Variants in LRRC9 observed in about 807,000 individuals in gnomAD.
LRRC9 encodes leucine-rich repeat-containing protein 9.
LRRC9 carries 122 observed loss-of-function variants against 63.2 expected under a neutral mutation model. That is an observed-to-expected ratio of 1.93 (90% CI 1.67 to 2.24). The LOEUF is 2.24. Among genes scored for constraint, LRRC9 ranks in the 30% most tolerant of loss-of-function variants. The pLI is 0.00. For missense variants in LRRC9, 1,071 were observed against 627.7 expected (o/e 1.71, Z -7.55); for synonymous variants, 366 against 213.1 (o/e 1.72, Z -6.25).
intron 29 of LRRC9, among the ~76,000 whole-genome samples, chr14:60,032,778 G>A (rs1892095978): frequency 6.6e-6 from 1 of 152,088 alleles, no homozygotes; most frequent in African/African-American, 2.4e-5. Flanking sequence ...CCGCACAGGA[G>A]GAGAGCTTCT....
rs551986976 is a variant in LRRC9 at position 60,055,740 on chromosome 14, A to T, written c.4132-2138A>T. Among the ~76,000 whole-genome samples, 7 of 149,464 alleles carry T rather than the reference A, an allele frequency of 4.7e-5. No homozygotes were observed. In the East Asian group the frequency reaches 1.4e-3, roughly 30 times the overall value. ...AAACCTTGTCTCTATTTAAAAAAAA[A>T]AAAAAACAAAAAAAACTAGCCAGGC... On this transcript the variant is annotated intron_variant, in intron 30 of 31. Transcript: ENST00000445360.
chr14:59,925,522 T>C (rs983561625), intron 1 of LRRC9, among the ~76,000 whole-genome samples: 5 of 152,156 alleles, frequency 3.3e-5, no homozygotes, highest in African/African-American at 9.7e-5. Flanking sequence ...CCAAATTACC[T>C]CTTAAAGGCC....
rs989155313 is a variant in LRRC9, at chr14:60,050,231, G to A, written c.3991-2834G>A. 2.6e-5 allele frequency among the ~76,000 whole-genome samples: 4 copies of A among 152,090 alleles called. No individual in the cohort carries two copies. The East Asian group carries it at 5.8e-4, about 22-fold the overall frequency. On this transcript the variant is annotated intron_variant, in intron 29 of 31. Transcript: ENST00000445360. ...GGCTGGTCTCAAACTCCTGACCTCC[G>A]GTGATCCACCCTTCTTGGCCTCCCA... is the stretch of plus-strand genomic sequence containing the variant.
At chr14:59,941,178 T>C (rs963675965) in intron 7 of LRRC9, among the ~76,000 whole-genome samples, 4 of 151,922 alleles carry the variant, frequency 2.6e-5, no homozygotes, top group African/African-American at 9.7e-5. Context: ...TATATGAAGA[T>C]ATAGGTACAT....
At chr14:59,993,198 A>G (rs921792738) in intron 17 of LRRC9, among the ~76,000 whole-genome samples, 2 of 152,220 alleles carry the variant, frequency 1.3e-5, no homozygotes, top group Non-Finnish European at 2.9e-5. Flanking sequence ...AGAATTTCAT[A>G]TCCAGCCAAA....
intron 29 of LRRC9, among the ~76,000 whole-genome samples, chr14:60,047,308 G>A (rs552978999): frequency 2.6e-5 from 4 of 152,146 alleles, no homozygotes; most frequent in East Asian, 3.9e-4. Context: ...GGATAGGTGT[G>A]GTGAGAGACT....
exon 32 of LRRC9, chr14:60,063,501 A>T (rs1894788916): frequency 1.6e-6 from 1 of 615,712 alleles, no homozygotes; most frequent in Non-Finnish European, 2.9e-6. Flanking sequence ...TCAGTTCCAT[A>T]TGAAGATAAT....
intron 8 of LRRC9, among the ~76,000 whole-genome samples, chr14:59,949,152 G>C (rs1320465249): frequency 7.1e-6 from 1 of 141,668 alleles, no homozygotes; most frequent in Non-Finnish European, 1.5e-5. Flanking sequence ...ACTCTTTTTG[G>C]TTGGTAAACT....
Position 59,938,713 on chromosome 14 carries a change from A to G in LRRC9, c.726+141A>G, listed in dbSNP as rs1005997526. Reference sequence around the variant, plus strand: ...CTGCTTTTGCCCTAGTGAACTGGATATTACACATAAAAGTATATAAATAAT... The same window carrying G: ...CTGCTTTTGCCCTAGTGAACTGGATGTTACACATAAAAGTATATAAATAAT... On this transcript the variant is annotated intron_variant, in intron 7 of 31. Transcript: ENST00000445360. This position sits in a 1 kb window ranked among gnomAD's most constrained non-coding sequence, Gnocchi z 4.2. 9.3e-6 allele frequency: 4 copies of G among 428,864 alleles called. No homozygotes were observed. Among genetic ancestry groups the G allele is most frequent in the African/African-American group, 4.1e-5 (2 of 48,772 alleles). 26.6% of individuals were successfully genotyped at this position (428,864 alleles called of 1,614,324 possible).
chr14:59,937,778 T>C (rs1444388591), intron 6 of LRRC9, among the ~76,000 whole-genome samples: 4 of 152,078 alleles, frequency 2.6e-5, no homozygotes, highest in African/African-American at 7.2e-5. Context: ...TGAGAGTGCA[T>C]ATCAATCCCT....
chr14:60,003,618 C>T lies in LRRC9; in HGVS notation c.2665-3C>T, dbSNP rs773479553. Reference sequence around the variant, plus strand: ...ATAACATACAATGTAAATTATTCTACAGATAACTGCCTTAAATTTAGATGG... The same window carrying T: ...ATAACATACAATGTAAATTATTCTATAGATAACTGCCTTAAATTTAGATGG... On this transcript the variant is annotated splice_polypyrimidine_tract_variant and splice_region_variant and intron_variant, in intron 20 of 31. Transcript: ENST00000445360. This position sits in a 1 kb window ranked among gnomAD's most constrained non-coding sequence, Gnocchi z 4.2. The T allele has an allele frequency of 7.6e-6, 5 of 659,686 alleles. No individual in the cohort carries two copies. The highest frequency in any genetic ancestry group is 5.4e-6 in the Non-Finnish European group (2 of 369,786). The allele number at this position is 659,686 out of a possible 1,614,324, so 40.9% of individuals were successfully genotyped here. A position where few individuals can be genotyped will look rare whatever the true frequency, so the allele number is the denominator to read the frequency against.
At chr14:59,937,254 A>G (rs1292225495) in intron 6 of LRRC9, among the ~76,000 whole-genome samples, 2 of 151,286 alleles carry the variant, frequency 1.3e-5, no homozygotes. Flanking sequence ...TGTGGGCCAC[A>G]TGTAGCCTCT....
rs776855520 is a variant in LRRC9 at position 59,938,956 on chromosome 14, TACAC to T, written c.726+388_726+391del. The stretch of plus-strand genomic sequence containing the variant: ...ACATATATACATATACATACATATA[TACAC>T]ACATATATACATATATACATATATA... On this transcript the variant is annotated intron_variant, in intron 7 of 31. Coordinates refer to ENST00000445360, the Ensembl canonical transcript of LRRC9. This position sits in a 1 kb window ranked among gnomAD's most constrained non-coding sequence, Gnocchi z 4.2. Among the ~76,000 whole-genome samples the T allele has an allele frequency of 6.6e-3, 951 of 144,678 alleles. 13 individuals are homozygous for T. The highest frequency in any genetic ancestry group is 0.022 in the African/African-American group (863 of 38,922). The allele number at this position is 144,678 out of a possible 152,430, so 94.9% of individuals were successfully genotyped here.
chr14:59,994,279 A>G (rs1321231968), intron 17 of LRRC9, among the ~76,000 whole-genome samples: 1 of 152,246 alleles, frequency 6.6e-6, no homozygotes, highest in Non-Finnish European at 1.5e-5. Context: ...ATCACTGGCC[A>G]TCAGAGAAAT....
chr14:60,063,736 G>A (rs1239965624), downstream of LRRC9, among the ~76,000 whole-genome samples: 1 of 152,136 alleles, frequency 6.6e-6, no homozygotes, highest in Non-Finnish European at 1.5e-5. Context: ...AAAGTCATAG[G>A]AAGATATTGA....
intron 31 of LRRC9, among the ~76,000 whole-genome samples, chr14:60,059,783 T>C (rs1356014282): frequency 6.6e-6 from 1 of 152,214 alleles, no homozygotes; most frequent in Non-Finnish European, 1.5e-5. Context: ...CGAACTATTA[T>C]ATCAGGCAAC....
At chr14:59,984,290 C>T (rs2140113127) in intron 16 of LRRC9, among the ~76,000 whole-genome samples, 1 of 152,216 alleles carries the variant, frequency 6.6e-6, no homozygotes, top group Admixed American at 6.5e-5. Context: ...TTGTTTCTCC[C>T]TTCTAGGAAT....
At chr14:60,054,704 T>C (rs1316467000) in intron 30 of LRRC9, among the ~76,000 whole-genome samples, 1 of 152,104 alleles carries the variant, frequency 6.6e-6, no homozygotes, top group Non-Finnish European at 1.5e-5. Flanking sequence ...GATTGATGAA[T>C]GCATGTACTT....
intron 4 of LRRC9, among the ~76,000 whole-genome samples, chr14:59,931,294 T>G (rs1889683263): frequency 6.6e-6 from 1 of 152,082 alleles, no homozygotes; most frequent in South Asian, 2.1e-4. Flanking sequence ...ATTCTTTCTT[T>G]GAAGGTTTAA....
Sources: gnomAD v4.1 joint callset for allele counts (sites outside exome capture counted in the v4.1 genomes callset) on GRCh38, gnomAD v4.1.1 for gene constraint, Gnocchi (gnomAD v3.1) non-coding constraint, MANE v1.5 for transcripts, NCBI Gene and HGNC (gene_info 2026-07-23, HGNC 2026-07-21) for gene names.